Variants in KIAA2012 observed in about 807,000 individuals in gnomAD.
The protein encoded by KIAA2012 is uncharacterized protein KIAA2012.
A neutral mutation model predicts 150.6 loss-of-function variants in KIAA2012; 125 were observed. The ratio of observed to expected loss-of-function variants is 0.83; its 90% CI spans 0.72 to 0.96. The LOEUF (loss-of-function observed/expected upper bound fraction) is 0.96, where lower values mean the gene tolerates loss of function less well. KIAA2012 is among the 40% of genes least tolerant of loss of function. The pLI is 0.00. For missense variants in KIAA2012, 1,219 were observed against 1,354.9 expected (o/e 0.90, Z 1.57); for synonymous variants, 462 against 504.7 (o/e 0.92, Z 1.13).
Position 202,154,691 on chromosome 2 carries a change from G to A in KIAA2012, c.1927G>A (p.Glu643Lys), listed in dbSNP as rs1691488423. The stretch of plus-strand genomic sequence containing the variant: ...TTCACAGGGAGCCCAGCAGTCCTTG[G>A]AGGCAGCAGCTCAGAAGACAGGAGA... ...TEKQGAQQSL[E>K]AAAQKTGEPQ... Residue 643 changes from glutamate (E) to lysine (K), a missense_variant, in exon 14 of 24, where the codon GAG becomes AAG. Glu to Lys is a moderately conservative substitution (Grantham distance 56). Transcript: ENST00000498697. 1.3e-6 allele frequency: 2 copies of A among 1,547,200 alleles called. No individual in the cohort carries two copies. Among genetic ancestry groups the A allele is most frequent in the Admixed American group, 4.0e-5 (2 of 49,884 alleles).
chr2:202,180,269 C>CAAA (rs569117421), intron 15 of KIAA2012, among the ~76,000 whole-genome samples: 3 of 49,314 alleles, frequency 6.1e-5, no homozygotes, highest in Non-Finnish European at 8.9e-5. Context: ...GAAACTCCTC[C>CAAA]AAAAAAAAAA....
chr2:202,079,772 C>T (rs1689405535), intron 2 of KIAA2012, among the ~76,000 whole-genome samples: 1 of 152,078 alleles, frequency 6.6e-6, no homozygotes, highest in Non-Finnish European at 1.5e-5. Flanking sequence ...AAAGTTGAAA[C>T]CATTCTTCTT....
At chr2:202,075,732 C>T (rs1689310488) in intron 2 of KIAA2012, among the ~76,000 whole-genome samples, 1 of 152,200 alleles carries the variant, frequency 6.6e-6, no homozygotes, top group Non-Finnish European at 1.5e-5. Flanking sequence ...GTGCATCTGG[C>T]CCCTGCTTTA....
intron 14 of KIAA2012, among the ~76,000 whole-genome samples, chr2:202,161,062 G>C (rs543215835): frequency 5.3e-5 from 8 of 152,322 alleles, no homozygotes; most frequent in Non-Finnish European, 1.2e-4. Context: ...CCAAGGAAAA[G>C]ATAACCTAAG....
At chr2:202,156,950 G>T (rs1007357819) in intron 14 of KIAA2012, among the ~76,000 whole-genome samples, 11 of 152,162 alleles carry the variant, frequency 7.2e-5, no homozygotes, top group Non-Finnish European at 1.5e-4. Flanking sequence ...ATAATTGCTT[G>T]TATATTTAGT....
intron 16 of KIAA2012, among the ~76,000 whole-genome samples, chr2:202,185,864 G>C (rs1692217574): frequency 6.6e-6 from 1 of 152,158 alleles, no homozygotes; most frequent in South Asian, 2.1e-4. Context: ...CTTTTATAGA[G>C]TGACATTGAA....
At chr2:202,114,089 C>CT (rs1690453383) in intron 11 of KIAA2012, 1 of 152,252 alleles carries the variant, frequency 6.6e-6, no homozygotes, top group Non-Finnish European at 1.5e-5. Flanking sequence ...CTGCACTCAT[C>CT]TGGGGGGTTA....
At chr2:202,155,778 CT>C (rs1691515007) in intron 14 of KIAA2012, among the ~76,000 whole-genome samples, 1 of 152,216 alleles carries the variant, frequency 6.6e-6, no homozygotes, top group Non-Finnish European at 1.5e-5. Context: ...AATCCCAATT[CT>C]ACAAGGTGGG....
rs1690171076 is a variant in KIAA2012, at chr2:202,105,770, AC to A, written c.1337del (p.Pro446LeufsTer19). 5 of 1,550,420 alleles carry A rather than the reference AC, an allele frequency of 3.2e-6. No individual in the cohort carries two copies. In the African/African-American group the frequency reaches 6.8e-5, roughly 21 times the overall value. Reference sequence around the variant, plus strand: ...CCTCTTTGTCTCCTAGGTGCTCCACACCCTGAGTCAGAACCAGAAAGCAGCG... The same window carrying A: ...CCTCTTTGTCTCCTAGGTGCTCCACACCTGAGTCAGAACCAGAAAGCAGCG... ...KEKAHRRGAPHPESEPESSEE... is the reference protein window; with the variant it reads ...KEKAHRRGAPXPESEPESSEE... On this transcript the variant is annotated frameshift_variant, in exon 9 of 24. Transcript: ENST00000498697. LOFTEE classifies it high-confidence loss of function.
At chr2:202,198,611 A>G (rs979035561) in intron 22 of KIAA2012, among the ~76,000 whole-genome samples, 49 of 152,310 alleles carry the variant, frequency 3.2e-4, no homozygotes, top group African/African-American at 1.1e-3. Context: ...ATGTATTTCA[A>G]TTGACTTTTT....
chr2:202,106,759 G>A (rs554619235), intron 9 of KIAA2012, among the ~76,000 whole-genome samples: 4 of 152,180 alleles, frequency 2.6e-5, no homozygotes, highest in East Asian at 3.9e-4. Flanking sequence ...TTTCCATGAC[G>A]TGGACATTTG....
At chr2:202,157,196 C>T (rs1333217855) in intron 14 of KIAA2012, among the ~76,000 whole-genome samples, 1 of 152,214 alleles carries the variant, frequency 6.6e-6, no homozygotes, top group Admixed American at 6.5e-5. Flanking sequence ...TCAGTGTTCA[C>T]TGCTCTCCCT....
At chr2:202,160,716 T>C (rs1691636301) in intron 14 of KIAA2012, among the ~76,000 whole-genome samples, 1 of 152,224 alleles carries the variant, frequency 6.6e-6, no homozygotes, top group South Asian at 2.1e-4. Context: ...CCTGATTTTC[T>C]TCCATCATTT....
intron 20 of KIAA2012, 57 bp downstream of exon 20, chr2:202,193,560 A>G: frequency 6.5e-7 from 1 of 1,529,320 alleles, no homozygotes; most frequent in South Asian, 1.2e-5. Context: ...AGAAAAAGAC[A>G]GTGGTTGACC....
intron 13 of KIAA2012, among the ~76,000 whole-genome samples, chr2:202,153,181 C>T (rs1218552920): frequency 6.6e-6 from 1 of 152,126 alleles, no homozygotes; most frequent in Non-Finnish European, 1.5e-5. Context: ...TGTTCATTTC[C>T]AGACCCTGTG....
chr2:202,160,308 A>G (rs1691621639), intron 14 of KIAA2012, among the ~76,000 whole-genome samples: 1 of 147,770 alleles, frequency 6.8e-6, no homozygotes, highest in Non-Finnish European at 1.5e-5. Context: ...GATTTTTCAT[A>G]AGGTCTTTTT....
intron 13 of KIAA2012, among the ~76,000 whole-genome samples, chr2:202,145,616 G>A (rs1691277408): frequency 6.7e-6 from 1 of 149,718 alleles, no homozygotes. Context: ...AGGATAGTAT[G>A]ATGAACCTCC....
chr2:202,097,300 TAAGGGAGGAGGGGGAGC>T, intron 4 of KIAA2012, 118 bp from the exon 5 acceptor site: 1 of 1,384,614 alleles, frequency 7.2e-7, no homozygotes, highest in Non-Finnish European at 9.7e-7. Context: ...AAATACAAAA[TAAGGGAGGAGGGGGAGC>T]AAGGGAGGGC....
In KIAA2012 at chr2:202,125,620, C is replaced by T. The variant is rs369827613; in HGVS notation, c.1831+338C>T. Reference sequence around the variant, plus strand: ...ACAATTCCCTAAATAATGAGGTAGACATTGTCCCCTGGAGTCGTGCATCCC... The same window carrying T: ...ACAATTCCCTAAATAATGAGGTAGATATTGTCCCCTGGAGTCGTGCATCCC... On this transcript the variant is annotated intron_variant, in intron 12 of 23. Transcript: ENST00000498697. 2.0e-5 allele frequency among the ~76,000 whole-genome samples: 3 copies of T among 152,212 alleles called. No homozygotes were observed. The East Asian group carries it at 5.8e-4, about 29-fold the overall frequency.
Sources: gnomAD v4.1 joint callset for allele counts (sites outside exome capture counted in the v4.1 genomes callset) on GRCh38, gnomAD v4.1.1 for gene constraint, MANE v1.5 for transcripts, NCBI Gene and HGNC (gene_info 2026-07-23, HGNC 2026-07-21) for gene names.